Variants in RYR3 observed in about 807,000 individuals in gnomAD.
RYR3 encodes brain ryanodine receptor-calcium release channel.
Under a neutral mutation model 584.3 loss-of-function variants are expected in RYR3, and 207 were observed. The observed-to-expected ratio is 0.35, with a 90% CI of 0.32 to 0.40. The LOEUF (loss-of-function observed/expected upper bound fraction) is 0.40, where lower values mean the gene tolerates loss of function less well. RYR3 is among the 10% of genes least tolerant of loss of function. The probability of loss-of-function intolerance (pLI) is 1.00; values close to 1 mark genes in which losing one functional copy is unlikely to be tolerated. For synonymous variants in RYR3, 2,416 were observed against 2,248.5 expected, an observed-to-expected ratio of 1.07 and a Z score of -2.11; for missense variants, 5,616 against 6,089.2, an observed-to-expected ratio of 0.92 and a Z score of 2.59.
chr15:33,530,494 T>C (rs1267024134), intron 3 of RYR3, 98 bp from the exon 4 acceptor site: 2 of 839,142 alleles, frequency 2.4e-6, no homozygotes, highest in Non-Finnish European at 3.9e-6. Flanking sequence ...GCAATGGGTC[T>C]TTTCCTGGTA....
chr15:33,425,796 C>T lies in RYR3; in HGVS notation c.52-47623C>T, dbSNP rs749962769. Reference sequence around the variant, plus strand: ...AGCTGGGACTACAGGCGCCCGCCACCACACCCGGCTAATTTTTTTGTATTT... The same window carrying T: ...AGCTGGGACTACAGGCGCCCGCCACTACACCCGGCTAATTTTTTTGTATTT... On this transcript the variant is annotated intron_variant, in intron 1 of 103. Transcript: ENST00000634891. Among the ~76,000 whole-genome samples the T allele has an allele frequency of 2.6e-4, 39 of 152,004 alleles. No homozygotes were observed. In the South Asian group the frequency reaches 7.5e-3, roughly 29 times the overall value.
At chr15:33,315,364 G>C (rs901347922) in intron 1 of RYR3, among the ~76,000 whole-genome samples, 3 of 152,202 alleles carry the variant, frequency 2.0e-5, no homozygotes, top group Non-Finnish European at 4.4e-5. Flanking sequence ...TTTCTTTAAG[G>C]AGATAAGGGA....
At chr15:33,702,414 G>A (rs184172904) in intron 42 of RYR3, among the ~76,000 whole-genome samples, 1 of 152,338 alleles carries the variant, frequency 6.6e-6, no homozygotes, top group African/African-American at 2.4e-5. Context: ...TAATATTGAT[G>A]CAGTGGGTGT....
intron 39 of RYR3, among the ~76,000 whole-genome samples, chr15:33,697,031 T>C (rs904425064): frequency 3.3e-5 from 5 of 152,118 alleles, no homozygotes; most frequent in African/African-American, 1.2e-4. Flanking sequence ...TCACGTAGGG[T>C]AGCACTTCTG....
chr15:33,736,928 T>C lies in RYR3; in HGVS notation c.7515+603T>C, dbSNP rs554114611. 2.0e-5 allele frequency among the ~76,000 whole-genome samples: 3 copies of C among 152,206 alleles called. No individual in the cohort carries two copies. In the East Asian group the frequency reaches 5.8e-4, roughly 29 times the overall value. On this transcript the variant is annotated intron_variant, in intron 49 of 103. Transcript: ENST00000634891. ...TATGCCCAGCTAATTTTTGTGTGTT[T>C]GTTTGTTTTTTAGTAGAGATGGGGT...
intron 67 of RYR3, among the ~76,000 whole-genome samples, chr15:33,793,368 C>T (rs546617543): frequency 2.2e-4 from 33 of 152,234 alleles, no homozygotes; most frequent in Admixed American, 1.7e-3. Flanking sequence ...CAATCTTCAG[C>T]ACCTCCTGTC....
intron 35 of RYR3, 38 bp downstream of exon 35, chr15:33,662,986 A>T (rs1566904878): frequency 6.4e-7 from 1 of 1,557,122 alleles, no homozygotes; most frequent in Non-Finnish European, 8.8e-7. Flanking sequence ...AGGTTAATAG[A>T]TCTTCTGCTT....
chr15:33,832,935 G>T (rs1482599685), intron 86 of RYR3, among the ~76,000 whole-genome samples: 2 of 151,186 alleles, frequency 1.3e-5, no homozygotes, highest in Non-Finnish European at 2.9e-5. Flanking sequence ...TTGAACCCAG[G>T]AGGCAGAGGT....
At chr15:33,548,588 C>A (rs1433154454) in intron 9 of RYR3, among the ~76,000 whole-genome samples, 1 of 152,190 alleles carries the variant, frequency 6.6e-6, no homozygotes, top group Non-Finnish European at 1.5e-5. Flanking sequence ...CTTTAAATGG[C>A]ACACAGACAG....
At chr15:33,489,172 G>C (rs956046099) in intron 2 of RYR3, among the ~76,000 whole-genome samples, 2 of 152,266 alleles carry the variant, frequency 1.3e-5, no homozygotes, top group Admixed American at 1.3e-4. Flanking sequence ...TAGAAATTAA[G>C]ATTTTCAGAC....
chr15:33,596,347 A>C (rs1038976961), intron 16 of RYR3, among the ~76,000 whole-genome samples: 5 of 152,154 alleles, frequency 3.3e-5, no homozygotes, highest in Non-Finnish European at 5.9e-5. Context: ...TATTTGTGCC[A>C]TTACATTTAC....
intron 90 of RYR3, 109 bp from the exon 91 acceptor site, chr15:33,841,755 A>T (rs2078379707): frequency 2.7e-6 from 3 of 1,123,506 alleles, no homozygotes. Flanking sequence ...TCAAGGAATG[A>T]TTCTACCTCC....
rs1286940491 is a variant in RYR3, at chr15:33,613,981, CA to C, written c.2357+607del. ...AGTCTATGCCAATTTCATTTTTGGT[CA>C]GAATGCATGTGTGCTTTAAAGTCTA... On this transcript the variant is annotated intron_variant, in intron 19 of 103. Coordinates refer to ENST00000634891, the MANE Select transcript of RYR3 (RefSeq NM_001036.6). 3.9e-5 allele frequency among the ~76,000 whole-genome samples: 6 copies of C among 152,210 alleles called. 1 individual carries two copies. The East Asian group carries it at 1.2e-3, about 29-fold the overall frequency.
chr15:33,803,407 C>G (rs901165404), intron 69 of RYR3, among the ~76,000 whole-genome samples: 3 of 152,228 alleles, frequency 2.0e-5, no homozygotes, highest in African/African-American at 7.2e-5. Flanking sequence ...TCGGGGACAG[C>G]TAGCTTATCT....
At chr15:33,528,765 T>C (rs1458357215) in intron 3 of RYR3, among the ~76,000 whole-genome samples, 1 of 152,170 alleles carries the variant, frequency 6.6e-6, no homozygotes, top group African/African-American at 2.4e-5. Context: ...GAAAACCACT[T>C]TTGCCATTCT....
At chr15:33,581,674 G>A in intron 14 of RYR3, 31 bp downstream of exon 14, 4 of 1,600,734 alleles carry the variant, frequency 2.5e-6, no homozygotes, top group Non-Finnish European at 3.4e-6. Flanking sequence ...TTCTCCCTGG[G>A]ATGATTTCCA....
At chr15:33,566,537 T>A in intron 11 of RYR3, 141 bp from the exon 12 acceptor site, 1 of 838,522 alleles carries the variant, frequency 1.2e-6, no homozygotes, top group Non-Finnish European at 2.0e-6. Context: ...GCTTCGCTAA[T>A]GTCCCATTCT....
intron 3 of RYR3, among the ~76,000 whole-genome samples, chr15:33,522,306 T>A (rs1567440183): frequency 1.3e-5 from 2 of 152,196 alleles, no homozygotes; most frequent in Middle Eastern, 6.8e-3. Context: ...TTTTCACTTT[T>A]CTCTCAAGAT....
intron 29 of RYR3, among the ~76,000 whole-genome samples, chr15:33,647,166 G>A (rs911499183): frequency 3.9e-5 from 6 of 152,096 alleles, no homozygotes; most frequent in South Asian, 4.2e-4. Context: ...ATATTATTGC[G>A]GTCTTCCGTC....
Sources: gnomAD v4.1 joint callset for allele counts (sites outside exome capture counted in the v4.1 genomes callset) on GRCh38, gnomAD v4.1.1 for gene constraint, MANE v1.5 for transcripts, NCBI Gene and HGNC (gene_info 2026-07-23, HGNC 2026-07-21) for gene names.